Variants in TMPRSS11F observed in about 807,000 individuals in gnomAD.
TMPRSS11F encodes the protein transmembrane protease serine 11F.
A neutral mutation model predicts 60.2 loss-of-function variants in TMPRSS11F; 47 were observed. The ratio of observed to expected loss-of-function variants is 0.78; its 90% CI spans 0.62 to 1.00. The LOEUF is 1.00. Among genes scored for constraint, TMPRSS11F ranks in the 50% least tolerant of loss-of-function variants. The pLI is 0.00. For missense variants in TMPRSS11F, 519 were observed against 522.9 expected (o/e 0.99, Z 0.07); for synonymous variants, 166 against 167.3 (o/e 0.99, Z 0.06).
At position 68,083,066 on chromosome 4, in the gene TMPRSS11F, G is replaced by A. The variant is rs188366461; in HGVS notation, c.282+7457C>T. On this transcript the variant is annotated intron_variant, in intron 3 of 9. Coordinates refer to ENST00000356291, the MANE Select transcript of TMPRSS11F (RefSeq NM_207407.2). Reference sequence around the variant, plus strand: ...GATGGGCAAAAAAACTGTGAGCCACGAGCACCACATAAGCTGCATACCCAT... The same window carrying A: ...GATGGGCAAAAAAACTGTGAGCCACAAGCACCACATAAGCTGCATACCCAT... Among the ~76,000 whole-genome samples, 47 of 152,284 alleles carry A rather than the reference G, an allele frequency of 3.1e-4. No homozygotes were observed. In the East Asian group the frequency reaches 5.6e-3, roughly 18 times the overall value.
chr4:68,081,502 G>A (rs1047988391), intron 3 of TMPRSS11F, among the ~76,000 whole-genome samples: 1 of 152,204 alleles, frequency 6.6e-6, no homozygotes, highest in Admixed American at 6.5e-5. Flanking sequence ...ATGCTCCCAA[G>A]GGGAAAATGG....
chr4:68,118,696 G>A (rs1324859196), intron 1 of TMPRSS11F, among the ~76,000 whole-genome samples: 1 of 152,062 alleles, frequency 6.6e-6, no homozygotes, highest in Non-Finnish European at 1.5e-5. Flanking sequence ...AGGCTAGGGG[G>A]AAATACAAAT....
chr4:68,099,670 C>T (rs896422433), intron 1 of TMPRSS11F, among the ~76,000 whole-genome samples: 1 of 152,088 alleles, frequency 6.6e-6, no homozygotes, highest in African/African-American at 2.4e-5. Context: ...TGATATCTTT[C>T]AAGTGAAATT....
chr4:68,096,005 T>C (rs1164639160), intron 2 of TMPRSS11F, among the ~76,000 whole-genome samples: 1 of 151,600 alleles, frequency 6.6e-6, no homozygotes, highest in East Asian at 1.9e-4. Flanking sequence ...TATAAAAATA[T>C]TTACAGCAGT....
At position 68,064,815 on chromosome 4, in the gene TMPRSS11F, A is replaced by G; in HGVS notation, c.885T>C (p.Ala295=). The change falls in exon 8 of 10, where the codon GCT becomes GCC. Residue 295 remains alanine, a synonymous_variant. Coordinates refer to ENST00000356291, the MANE Select transcript of TMPRSS11F (RefSeq NM_207407.2). ...YHRETNENDI[A]LVQLSTGVEF... ...CAACTCCAGTAGAGAGCTGAACCAA[A>G]GCAATGTCATTTTCATTTGTTTCTC... is the stretch of plus-strand genomic sequence containing the variant. The G allele has an allele frequency of 6.2e-7, 1 of 1,614,204 alleles. No homozygotes were observed. Among genetic ancestry groups the G allele is most frequent in the Non-Finnish European group, 8.5e-7 (1 of 1,180,026 alleles).
intron 1 of TMPRSS11F, 22 bp downstream of exon 1, chr4:68,129,788 C>T: frequency 6.2e-7 from 1 of 1,612,000 alleles, no homozygotes. Context: ...ATAACCTTTA[C>T]TGAGAAAAGC....
chr4:68,111,150 T>C lies in TMPRSS11F; in HGVS notation c.12-12112A>G, dbSNP rs536257230. 2.0e-5 allele frequency among the ~76,000 whole-genome samples: 3 copies of C among 152,258 alleles called. No individual in the cohort carries two copies. The South Asian group carries it at 6.2e-4, about 32-fold the overall frequency. ...GTACTGTTCCCCCAAAACATAGGTA[T>C]AGTCCCTTTTTTATATGACTTGTCT... On this transcript the variant is annotated intron_variant, in intron 1 of 9. Coordinates refer to ENST00000356291, the MANE Select transcript of TMPRSS11F (RefSeq NM_207407.2).
At chr4:68,090,834 C>T (rs914417820) in intron 2 of TMPRSS11F, among the ~76,000 whole-genome samples, 193 bp from the exon 3 acceptor site, 1 of 152,082 alleles carries the variant, frequency 6.6e-6, no homozygotes, top group African/African-American at 2.4e-5. Context: ...AAATTCTGAT[C>T]CCAAAGTACT....
chr4:68,055,332 T>A (rs1180128198), intron 9 of TMPRSS11F, among the ~76,000 whole-genome samples: 1 of 152,116 alleles, frequency 6.6e-6, no homozygotes, highest in Non-Finnish European at 1.5e-5. Flanking sequence ...TGGCTCTTAT[T>A]TGACTAACGC....
At chr4:68,107,167 A>C (rs1724319420) in intron 1 of TMPRSS11F, among the ~76,000 whole-genome samples, 1 of 152,238 alleles carries the variant, frequency 6.6e-6, no homozygotes, top group Non-Finnish European at 1.5e-5. Context: ...TATTAATAAA[A>C]ATAAATTTCA....
At chr4:68,061,746 C>T in intron 8 of TMPRSS11F, 1 of 424,536 alleles carries the variant, frequency 2.4e-6, no homozygotes, top group Non-Finnish European at 4.7e-6. Context: ...TACTAGCTTC[C>T]TACATTGAAA....
At chr4:68,091,387 G>T (rs191750790) in intron 2 of TMPRSS11F, among the ~76,000 whole-genome samples, 132 of 151,938 alleles carry the variant, frequency 8.7e-4, no homozygotes, top group Non-Finnish European at 1.7e-3. Context: ...CTTTGACCTG[G>T]TCATATTAAG....
chr4:68,110,020 G>A (rs996059750), intron 1 of TMPRSS11F, among the ~76,000 whole-genome samples: 5 of 152,146 alleles, frequency 3.3e-5, no homozygotes, highest in African/African-American at 1.2e-4. Context: ...GTAGCCTTGG[G>A]GGGAAATTCT....
At chr4:68,090,724 T>C in intron 2 of TMPRSS11F, 83 bp from the exon 3 acceptor site, 1 of 1,513,312 alleles carries the variant, frequency 6.6e-7, no homozygotes, top group Non-Finnish European at 8.8e-7. Flanking sequence ...ACCTGCTAAA[T>C]AGGCTACAAT....
intron 7 of TMPRSS11F, among the ~76,000 whole-genome samples, chr4:68,066,119 A>AAAG (rs1312209622): frequency 6.6e-6 from 1 of 151,030 alleles, no homozygotes; most frequent in East Asian, 1.9e-4. Flanking sequence ...ACTGTCTCAA[A>AAAG]AAAAAAAAAA....
chr4:68,116,525 C>G (rs1724523032), intron 1 of TMPRSS11F, among the ~76,000 whole-genome samples: 1 of 151,938 alleles, frequency 6.6e-6, no homozygotes, highest in African/African-American at 2.4e-5. Flanking sequence ...CACAAGACCC[C>G]AAAAAGGCAA....
intron 1 of TMPRSS11F, among the ~76,000 whole-genome samples, chr4:68,102,138 G>A (rs1724204797): frequency 6.6e-6 from 1 of 152,106 alleles, no homozygotes; most frequent in African/African-American, 2.4e-5. Flanking sequence ...ATCCACGCAT[G>A]GCAAATGGCA....
chr4:68,059,965 A>G (rs1216991702), intron 8 of TMPRSS11F, among the ~76,000 whole-genome samples: 1 of 152,174 alleles, frequency 6.6e-6, no homozygotes, highest in African/African-American at 2.4e-5. Flanking sequence ...ATGAATGCCC[A>G]ATATGTGCTA....
At chr4:68,114,278 C>T (rs1333196067) in intron 1 of TMPRSS11F, among the ~76,000 whole-genome samples, 1 of 151,350 alleles carries the variant, frequency 6.6e-6, no homozygotes, top group East Asian at 1.9e-4. Context: ...AAATTGAAAA[C>T]AGTAGAAAAG....
Sources: allele counts gnomAD v4.1 joint callset (sites outside exome capture counted in the v4.1 genomes callset), GRCh38; gene constraint gnomAD v4.1.1; transcripts MANE v1.5; gene names NCBI Gene and HGNC (gene_info 2026-07-23, HGNC 2026-07-21).